The following EVC2 variants were observed in gnomAD, a reference collection of about 807,000 sequenced individuals.
EVC2 encodes the protein EvC ciliary complex subunit 2, also known as limbin.
In EVC2, 148 loss-of-function variants were observed where a neutral mutation model predicts 149.3. The observed-to-expected ratio is 0.99, with a 90% CI of 0.87 to 1.14. The LOEUF (loss-of-function observed/expected upper bound fraction) is 1.14, where lower values mean the gene tolerates loss of function less well. Among genes scored for constraint, EVC2 ranks in the 50% most tolerant of loss-of-function variants. The pLI is 0.00. For missense variants in EVC2, 1,854 were observed against 1,627.3 expected (o/e 1.14, Z -2.40); for synonymous variants, 776 against 649.9 (o/e 1.19, Z -2.95).
chr4:5,601,595 G>A (rs1183334559), intron 16 of EVC2, among the ~76,000 whole-genome samples: 7 of 151,668 alleles, frequency 4.6e-5, no homozygotes, highest in Admixed American at 3.9e-4. Context: ...TAGAGAATAG[G>A]AGATGTAATC....
intron 19 of EVC2, among the ~76,000 whole-genome samples, chr4:5,570,020 G>A (rs142137575): frequency 2.7e-3 from 412 of 152,180 alleles, no homozygotes; most frequent in African/African-American, 8.7e-3. Flanking sequence ...TCTCTCCAGC[G>A]CATTCTTTTG....
chr4:5,690,215 T>G (rs1390672982), intron 4 of EVC2, among the ~76,000 whole-genome samples: 1 of 152,132 alleles, frequency 6.6e-6, no homozygotes, highest in Non-Finnish European at 1.5e-5. Context: ...ACTGATTGCA[T>G]CCAGGAAGGC....
At chr4:5,700,859 T>C (rs898633235) in intron 1 of EVC2, among the ~76,000 whole-genome samples, 1 of 150,764 alleles carries the variant, frequency 6.6e-6, no homozygotes, top group Non-Finnish European at 1.5e-5. Flanking sequence ...TAATGATCAG[T>C]CCTCCTCATC....
At chr4:5,671,720 C>T (rs778154821) in intron 7 of EVC2, among the ~76,000 whole-genome samples, 32 of 152,294 alleles carry the variant, frequency 2.1e-4, no homozygotes, top group Non-Finnish European at 3.8e-4. Flanking sequence ...CCATGTTGGC[C>T]AGGCTTGTCT....
At chr4:5,655,061 TCA>T (rs1718424744) in intron 9 of EVC2, among the ~76,000 whole-genome samples, 2 of 152,170 alleles carry the variant, frequency 1.3e-5, no homozygotes, top group South Asian at 4.1e-4. Flanking sequence ...AAGGTGTTTG[TCA>T]CACAGAACTC....
chr4:5,694,681 C>T (rs1055871693), intron 2 of EVC2, among the ~76,000 whole-genome samples, 180 bp from the exon 3 acceptor site: 1 of 152,190 alleles, frequency 6.6e-6, no homozygotes, highest in Non-Finnish European at 1.5e-5. Flanking sequence ...GACATGCTCA[C>T]TGGGATGCTA....
intron 1 of EVC2, among the ~76,000 whole-genome samples, chr4:5,700,641 T>A (rs1387379328): frequency 3.9e-5 from 6 of 152,146 alleles, no homozygotes; most frequent in Admixed American, 1.3e-4. Context: ...TTTCTGGGCA[T>A]CTCTGATTCT....
Position 5,686,125 on chromosome 4 carries a change from C to T in EVC2, c.707-646G>A, listed in dbSNP as rs10428478. On this transcript the variant is annotated intron_variant, in intron 5 of 21. Transcript: ENST00000344408. The surrounding 1 kb of genome is among the most constrained non-coding windows in gnomAD (Gnocchi z 5.4). ...ACACACACACACACACACACACACA[C>T]ACAGAGTAAAGAAAAGAGGAGGAAC... 0.18 allele frequency among the ~76,000 whole-genome samples: 19,767 copies of T among 109,962 alleles called. 1,624 individuals are homozygous for T. Among genetic ancestry groups the T allele is most frequent in the Middle Eastern group, 0.27 (57 of 212 alleles). 72.1% of individuals were successfully genotyped at this position (109,962 alleles called of 152,430 possible).
chr4:5,601,268 G>A (rs1713954431), intron 16 of EVC2, among the ~76,000 whole-genome samples: 1 of 152,022 alleles, frequency 6.6e-6, no homozygotes, highest in Non-Finnish European at 1.5e-5. Context: ...ATGGAGGTAA[G>A]AGTGAACATG....
chr4:5,537,489 G>A, the EVC2 span, among the ~76,000 whole-genome samples: 5 of 152,192 alleles, frequency 3.3e-5, no homozygotes, highest in African/African-American at 7.2e-5. Context: ...GACTCAGAAC[G>A]ATCTTGTCTC....
intron 16 of EVC2, among the ~76,000 whole-genome samples, chr4:5,589,995 T>TCAGGGAAA: frequency 6.6e-6 from 1 of 151,796 alleles, no homozygotes; most frequent in African/African-American, 2.4e-5. Flanking sequence ...GGTGGAGGGG[T>TCAGGGAAA]CAGGGAAAGT....
rs1714990126 is a variant in EVC2, at chr4:5,613,241, G to C, written c.2829+2181C>G. 6.6e-6 allele frequency among the ~76,000 whole-genome samples: 1 copy of C among 152,160 alleles called. No individual in the cohort carries two copies. Among genetic ancestry groups the C allele is most frequent in the African/African-American group, 2.4e-5 (1 of 41,452 alleles). On this transcript the variant is annotated intron_variant, in intron 16 of 21. Coordinates refer to ENST00000344408, the MANE Select transcript of EVC2 (RefSeq NM_147127.5). This position sits in a 1 kb window ranked among gnomAD's most constrained non-coding sequence, Gnocchi z 4.6. ...CATGACCCAGCACTCCAGTAAGGCA[G>C]CCTTGTCACAGGGCTTCAACCCTCT...
downstream of EVC2, among the ~76,000 whole-genome samples, chr4:5,561,843 A>G (rs982878280): frequency 3.3e-5 from 5 of 152,180 alleles, no homozygotes; most frequent in African/African-American, 1.2e-4. Context: ...AGCAACTCTC[A>G]TATGACAGAT....
At chr4:5,590,735 GCAC>G (rs1302541187) in intron 16 of EVC2, among the ~76,000 whole-genome samples, 1 of 152,108 alleles carries the variant, frequency 6.6e-6, no homozygotes, top group East Asian at 1.9e-4. Context: ...GATCATGCTA[GCAC>G]CACCATTTTT....
intron 16 of EVC2, among the ~76,000 whole-genome samples, chr4:5,608,430 A>G (rs1279274728): frequency 3.9e-5 from 6 of 152,166 alleles, no homozygotes; most frequent in Non-Finnish European, 7.4e-5. Context: ...GGTTAATTTT[A>G]TGTGTCACTG....
At position 5,618,790 on chromosome 4, in the gene EVC2, G is replaced by GA; in HGVS notation, c.2502-109dup. ...CTCATTCCTCATATCCATGTCTGCAGAAAAAGCACTGGCTCCTTAATCATG... is the reference window on the plus strand; with the variant it reads ...CTCATTCCTCATATCCATGTCTGCAGAAAAAAGCACTGGCTCCTTAATCATG... On this transcript the variant is annotated intron_variant, in intron 14 of 21. Transcript: ENST00000344408. The surrounding 1 kb of genome is among the most constrained non-coding windows in gnomAD (Gnocchi z 4.4). 9.4e-7 allele frequency: 1 copy of GA among 1,062,198 alleles called. No individual in the cohort carries two copies. The highest frequency in any genetic ancestry group is 1.4e-6 in the Non-Finnish European group (1 of 706,822). 65.8% of individuals were successfully genotyped at this position (1,062,198 alleles called of 1,614,324 possible).
chr4:5,539,836 T>TAGAC (rs1721484335), downstream of EVC2, among the ~76,000 whole-genome samples: 1 of 118,470 alleles, frequency 8.4e-6, no homozygotes, highest in African/African-American at 3.0e-5. Flanking sequence ...AAATATTTCT[T>TAGAC]AGACACCAAA....
intron 6 of EVC2, among the ~76,000 whole-genome samples, chr4:5,682,420 G>A (rs1255293527): frequency 6.6e-6 from 1 of 151,682 alleles, no homozygotes; most frequent in African/African-American, 2.4e-5. Flanking sequence ...AACCCAGGAG[G>A]AGGAGGTTGC....
intron 19 of EVC2, among the ~76,000 whole-genome samples, chr4:5,571,029 C>T (rs1422953242): frequency 3.3e-5 from 5 of 151,950 alleles, no homozygotes; most frequent in African/African-American, 9.7e-5. Context: ...AAAGACTACA[C>T]ATTGGGCCGG....
Sources: allele counts gnomAD v4.1 joint callset (sites outside exome capture counted in the v4.1 genomes callset), GRCh38; gene constraint gnomAD v4.1.1; non-coding constraint Gnocchi (gnomAD v3.1); transcripts MANE v1.5; gene names NCBI Gene and HGNC (gene_info 2026-07-23, HGNC 2026-07-21).